Variants in PHACTR3 observed in about 807,000 individuals in gnomAD.
PHACTR3 encodes the protein protein phosphatase 1, regulatory subunit 123.
A neutral mutation model predicts 66.8 loss-of-function variants in PHACTR3; 16 were observed. That is an observed-to-expected ratio of 0.24 (90% CI 0.16 to 0.36). The LOEUF is 0.36. PHACTR3 is among the 10% of genes least tolerant of loss of function. The probability of loss-of-function intolerance (pLI) is 1.00; values close to 1 mark genes in which losing one functional copy is unlikely to be tolerated. For missense variants in PHACTR3, 647 were observed against 719.9 expected (o/e 0.90, Z 1.16); for synonymous variants, 323 against 292.1 (o/e 1.11, Z -1.08).
At chr20:59,811,575 C>G (rs1454613323) in intron 8 of PHACTR3, among the ~76,000 whole-genome samples, 2 of 152,126 alleles carry the variant, frequency 1.3e-5, no homozygotes, top group Admixed American at 1.3e-4. Flanking sequence ...AGGAGAATCG[C>G]TTGAACCTGG....
At chr20:59,789,596 CA>C (rs575354657) in intron 7 of PHACTR3, among the ~76,000 whole-genome samples, 1 of 152,250 alleles carries the variant, frequency 6.6e-6, no homozygotes, top group South Asian at 2.1e-4. Flanking sequence ...AGAGTGTCAA[CA>C]AAATGATCAC....
upstream of PHACTR3, among the ~76,000 whole-genome samples, chr20:59,602,453 AAAGAG>A (rs1279581432): frequency 2.0e-5 from 3 of 152,066 alleles, no homozygotes; most frequent in East Asian, 1.9e-4. Flanking sequence ...AAAAAAAAAA[AAAGAG>A]AGAGAGAGAG....
intron 1 of PHACTR3, among the ~76,000 whole-genome samples, chr20:59,595,233 C>T (rs748423520): frequency 3.3e-4 from 50 of 152,062 alleles, no homozygotes; most frequent in Non-Finnish European, 5.4e-4. Context: ...GAGGCCGAGA[C>T]GGGTGGATCA....
intron 4 of PHACTR3, among the ~76,000 whole-genome samples, chr20:59,756,038 C>G (rs1367858822): frequency 6.6e-6 from 1 of 151,980 alleles, no homozygotes; most frequent in Non-Finnish European, 1.5e-5. Flanking sequence ...TGACTATTAT[C>G]AAAGGCAGTA....
rs77047641 is a variant in PHACTR3, at chr20:59,654,094, A to G, written c.118+48962A>G. On this transcript the variant is annotated intron_variant, in intron 1 of 12. Transcript: ENST00000371015. ...TTGCTTAATACATTTCCAACAGGAT[A>G]ATGACTAGAATTGATTGAAACACAT... 7.2e-4 allele frequency among the ~76,000 whole-genome samples: 110 copies of G among 152,336 alleles called. 1 individual carries two copies. The East Asian group carries it at 9.8e-3, about 14-fold the overall frequency.
intron 9 of PHACTR3, among the ~76,000 whole-genome samples, chr20:59,838,676 C>G (rs1235896009): frequency 2.0e-5 from 3 of 152,222 alleles, no homozygotes; most frequent in African/African-American, 7.2e-5. Context: ...TGCCCATCTT[C>G]TTAACTACTG....
chr20:59,742,339 C>A (rs772991549), intron 1 of PHACTR3, among the ~76,000 whole-genome samples: 6 of 152,222 alleles, frequency 3.9e-5, no homozygotes, highest in Non-Finnish European at 7.3e-5. Context: ...GTCTCTTTTA[C>A]AACAAACAGC....
At chr20:59,589,699 T>C (rs983242737) in intron 1 of PHACTR3, among the ~76,000 whole-genome samples, 2 of 152,052 alleles carry the variant, frequency 1.3e-5, no homozygotes, top group Admixed American at 6.5e-5. Flanking sequence ...CCAGTAAACA[T>C]AGGAAACGTC....
intron 12 of PHACTR3, 39 bp from the exon 13 acceptor site, chr20:59,847,076 G>T: frequency 7.0e-7 from 1 of 1,423,312 alleles, no homozygotes; most frequent in South Asian, 1.2e-5. Context: ...TGCTAGAAAT[G>T]AATAACCTTA....
intron 1 of PHACTR3, among the ~76,000 whole-genome samples, chr20:59,729,035 C>T (rs2038669828): frequency 6.6e-6 from 1 of 152,084 alleles, no homozygotes; most frequent in African/African-American, 2.4e-5. Flanking sequence ...TGGGGATGAG[C>T]CTGGGGAGGC....
intron 1 of PHACTR3, among the ~76,000 whole-genome samples, chr20:59,679,317 G>A (rs2036564143): frequency 6.6e-6 from 1 of 152,152 alleles, no homozygotes; most frequent in Non-Finnish European, 1.5e-5. Flanking sequence ...CTTTGAGATG[G>A]CCAACAGCAC....
intron 3 of PHACTR3, 147 bp downstream of exon 3, chr20:59,747,982 A>AGAGACG (rs2039435081): frequency 7.9e-6 from 6 of 757,194 alleles, no homozygotes; most frequent in Non-Finnish European, 1.3e-5. Flanking sequence ...TTGGAGAGAC[A>AGAGACG]CCCCATGTCA....
intron 1 of PHACTR3, among the ~76,000 whole-genome samples, chr20:59,665,818 C>T (rs554678468): frequency 4.6e-5 from 7 of 152,170 alleles, no homozygotes; most frequent in Non-Finnish European, 5.9e-5. Context: ...GTACAGAACC[C>T]GCCACAAGCT....
chr20:59,804,331 G>A (rs1163208760), intron 7 of PHACTR3, among the ~76,000 whole-genome samples: 5 of 152,164 alleles, frequency 3.3e-5, no homozygotes, highest in South Asian at 2.1e-4. Context: ...GAGCAAATAC[G>A]ATTGAAAGTA....
rs1555879289 is a variant in PHACTR3 at position 59,622,990 on chromosome 20, A to AAAAAAAACAAACAAAC, written c.118+17865_118+17866insCAAACAAACAAAAAAA. Reference sequence around the variant, plus strand: ...TTACAGCAGCTTTAACCAAAAAAAAAAAAAAAAAAAACCCAAATCTTCAGC... The same window carrying AAAAAAAACAAACAAAC: ...TTACAGCAGCTTTAACCAAAAAAAAAAAAAAAACAAACAAACAAAAAAAAAAACCCAAATCTTCAGC... On this transcript the variant is annotated intron_variant, in intron 1 of 12. Coordinates refer to ENST00000371015, the MANE Select transcript of PHACTR3 (RefSeq NM_080672.5). 1.2e-4 allele frequency among the ~76,000 whole-genome samples: 17 copies of AAAAAAAACAAACAAAC among 141,932 alleles called. 2 individuals are homozygous for AAAAAAAACAAACAAAC. The highest frequency in any genetic ancestry group is 4.4e-4 in the African/African-American group (17 of 38,304). 93.1% of individuals were successfully genotyped at this position (141,932 alleles called of 152,430 possible).
At chr20:59,644,242 G>A (rs186245705) in intron 1 of PHACTR3, among the ~76,000 whole-genome samples, 1 of 152,292 alleles carries the variant, frequency 6.6e-6, no homozygotes, top group African/African-American at 2.4e-5. Flanking sequence ...CTATGGTGAT[G>A]GAGAAGGCAG....
At chr20:59,843,231 A>C (rs1349701653) in intron 11 of PHACTR3, among the ~76,000 whole-genome samples, 1 of 152,164 alleles carries the variant, frequency 6.6e-6, no homozygotes, top group Non-Finnish European at 1.5e-5. Context: ...ACACAAATGG[A>C]AAGATATCTC....
chr20:59,791,594 CTTTT>C (rs529215124), intron 7 of PHACTR3, among the ~76,000 whole-genome samples: 1 of 143,310 alleles, frequency 7.0e-6, no homozygotes, highest in Non-Finnish European at 1.5e-5. Flanking sequence ...TTTCTTTTTT[CTTTT>C]TTTTTTTTTA....
In PHACTR3 at chr20:59,605,090, G is replaced by C. The variant is rs1320210647; in HGVS notation, c.76G>C (p.Asp26His). Residue 26 changes from aspartate (D) to histidine (H), a missense_variant, in exon 1 of 13, where the codon GAC becomes CAC. This residue lies in a region of PHACTR3 where 577 missense variants were observed against 571.1 expected (regional missense o/e 1.01). Transcript: ENST00000371015. ...GCAGAGTGACCCCAGCGTCCTCACC[G>C]ACTCCTCGGCCACCTCCTCCGCGGA... ...RSQSDPSVLT[D>H]SSATSSADAG... 6.4e-6 allele frequency: 9 copies of C among 1,409,156 alleles called. No homozygotes were observed. Among genetic ancestry groups the C allele is most frequent in the Non-Finnish European group, 8.4e-6 (9 of 1,074,982 alleles). The allele number at this position is 1,409,156 out of a possible 1,614,324, so 87.3% of individuals were successfully genotyped here.
Sources: gnomAD v4.1 joint callset for allele counts (sites outside exome capture counted in the v4.1 genomes callset) on GRCh38, gnomAD v4.1.1 for gene constraint, gnomAD v4.1.1 regional missense constraint, MANE v1.5 for transcripts, NCBI Gene and HGNC (gene_info 2026-07-23, HGNC 2026-07-21) for gene names.